The following PXDNL variants were observed in gnomAD, a reference collection of about 807,000 sequenced individuals.
PXDNL encodes the protein peroxidasin like, also known as probable oxidoreductase PXDNL.
PXDNL carries 145 observed loss-of-function variants against 150.8 expected under a neutral mutation model. The ratio of observed to expected loss-of-function variants is 0.96; its 90% CI spans 0.84 to 1.10. The LOEUF is 1.10. Among genes scored for constraint, PXDNL ranks in the 50% least tolerant of loss-of-function variants. PXDNL has a pLI of 0.00. For synonymous variants in PXDNL, 757 were observed against 725.7 expected (o/e 1.04, Z -0.69); for missense variants, 2,087 against 1,873.9 (o/e 1.11, Z -2.10).
chr8:51,648,390 A>G (rs1346240147), intron 2 of PXDNL, among the ~76,000 whole-genome samples: 1 of 152,244 alleles, frequency 6.6e-6, no homozygotes, highest in Non-Finnish European at 1.5e-5. Flanking sequence ...CACTGAATAG[A>G]AAGCAATTCT....
At chr8:51,471,336 T>C (rs1810328411) in intron 8 of PXDNL, among the ~76,000 whole-genome samples, 1 of 152,188 alleles carries the variant, frequency 6.6e-6, no homozygotes, top group African/African-American at 2.4e-5. Context: ...TTTTAACATT[T>C]GTTATTACTA....
intron 3 of PXDNL, among the ~76,000 whole-genome samples, chr8:51,577,700 C>T (rs1467394563): frequency 6.7e-6 from 1 of 149,642 alleles, no homozygotes; most frequent in East Asian, 2.0e-4. Flanking sequence ...ATCAAAGCTC[C>T]AGGAAAATAG....
chr8:51,650,683 G>A (rs1045658028), intron 2 of PXDNL, among the ~76,000 whole-genome samples: 2 of 152,172 alleles, frequency 1.3e-5, no homozygotes, highest in Non-Finnish European at 2.9e-5. Context: ...AATTTATGCT[G>A]CAGTGCCAAG....
chr8:51,674,888 A>G (rs1425163169), intron 1 of PXDNL, among the ~76,000 whole-genome samples: 1 of 152,180 alleles, frequency 6.6e-6, no homozygotes, highest in Non-Finnish European at 1.5e-5. Flanking sequence ...TGTTTAGTTA[A>G]CACTCTGCTA....
intron 6 of PXDNL, among the ~76,000 whole-genome samples, chr8:51,476,917 A>T (rs1273576707): frequency 6.6e-6 from 1 of 152,238 alleles, no homozygotes; most frequent in Admixed American, 6.5e-5. Context: ...ATTCATGCAC[A>T]AAAAGTCCTT....
At chr8:51,693,567 G>A (rs879702559) in intron 1 of PXDNL, among the ~76,000 whole-genome samples, 7 of 152,162 alleles carry the variant, frequency 4.6e-5, no homozygotes, top group African/African-American at 1.7e-4. Context: ...GAGCCCAGGA[G>A]TTTGAGACCA....
chr8:51,493,052 C>T (rs998137619), intron 5 of PXDNL, among the ~76,000 whole-genome samples: 2 of 152,174 alleles, frequency 1.3e-5, no homozygotes, highest in African/African-American at 4.8e-5. Context: ...AGACTGACAA[C>T]TCACACGGCC....
chr8:51,665,557 T>C (rs946457761), intron 1 of PXDNL, among the ~76,000 whole-genome samples: 2 of 152,212 alleles, frequency 1.3e-5, no homozygotes, highest in African/African-American at 4.8e-5. Flanking sequence ...CTAACTATCT[T>C]CCTTATATGC....
At chr8:51,772,171 T>C (rs1394861838) in intron 1 of PXDNL, among the ~76,000 whole-genome samples, 2 of 151,944 alleles carry the variant, frequency 1.3e-5, no homozygotes, top group Non-Finnish European at 2.9e-5. Context: ...CCAGCAGCAC[T>C]GCCTGGCTCT....
At chr8:51,673,177 A>G (rs1317875809) in intron 1 of PXDNL, among the ~76,000 whole-genome samples, 2 of 152,236 alleles carry the variant, frequency 1.3e-5, no homozygotes, top group African/African-American at 2.4e-5. Flanking sequence ...ATTATGGTAC[A>G]TCAATATTTA....
intron 6 of PXDNL, among the ~76,000 whole-genome samples, chr8:51,481,499 C>A (rs779733307): frequency 3.3e-5 from 5 of 152,180 alleles, no homozygotes; most frequent in Non-Finnish European, 5.9e-5. Flanking sequence ...CAGAAATATG[C>A]AAAAGTCATG....
intron 14 of PXDNL, among the ~76,000 whole-genome samples, chr8:51,417,604 T>A (rs1391637485): frequency 6.6e-6 from 1 of 152,196 alleles, no homozygotes; most frequent in Admixed American, 6.5e-5. Context: ...GTTTTGAGTA[T>A]TTTTTATCCT....
At chr8:51,337,655 T>C (rs1805867552) in intron 21 of PXDNL, among the ~76,000 whole-genome samples, 1 of 151,668 alleles carries the variant, frequency 6.6e-6, no homozygotes, top group African/African-American at 2.4e-5. Flanking sequence ...GGCAGGCAGA[T>C]CACCTGAGGT....
chr8:51,332,296 G>A (rs1351399732), intron 21 of PXDNL, among the ~76,000 whole-genome samples: 1 of 152,110 alleles, frequency 6.6e-6, no homozygotes, highest in African/African-American at 2.4e-5. Context: ...TACATCAAGA[G>A]AACACCCTGT....
At chr8:51,351,622 C>G (rs1431620) in intron 19 of PXDNL, among the ~76,000 whole-genome samples, 4 of 152,010 alleles carry the variant, frequency 2.6e-5, no homozygotes, top group African/African-American at 4.8e-5. Context: ...AACTACCACA[C>G]GCAGCACATC....
intron 17 of PXDNL, among the ~76,000 whole-genome samples, chr8:51,400,155 C>T (rs941843452): frequency 1.3e-5 from 2 of 152,142 alleles, no homozygotes; most frequent in Non-Finnish European, 2.9e-5. Context: ...GGAATACATG[C>T]ACATACATAA....
chr8:51,369,187 A>G (rs943866469), intron 19 of PXDNL, among the ~76,000 whole-genome samples: 4 of 152,172 alleles, frequency 2.6e-5, no homozygotes, highest in Non-Finnish European at 5.9e-5. Flanking sequence ...TGTTTGGGAA[A>G]TTCGCAACTT....
At chr8:51,594,652 A>C (rs1344793038) in intron 2 of PXDNL, among the ~76,000 whole-genome samples, 1 of 152,214 alleles carries the variant, frequency 6.6e-6, no homozygotes, top group African/African-American at 2.4e-5. Context: ...ACAAGAAATC[A>C]ACTCATTAAA....
chr8:51,618,226 A>G (rs1814171138), intron 2 of PXDNL, among the ~76,000 whole-genome samples: 2 of 152,266 alleles, frequency 1.3e-5, no homozygotes, highest in South Asian at 2.1e-4. Flanking sequence ...GGACAGAAAT[A>G]GGAAATACAA....
Sources: allele counts gnomAD v4.1 joint callset (sites outside exome capture counted in the v4.1 genomes callset), GRCh38; gene constraint gnomAD v4.1.1; transcripts MANE v1.5; gene names NCBI Gene and HGNC (gene_info 2026-07-23, HGNC 2026-07-21).